CHRDL1: variants seen among roughly 807,000 people sequenced by gnomAD.
The protein encoded by CHRDL1 is chordin like 1, also known as chordin-like protein 1.
CHRDL1 carries 19 observed loss-of-function variants against 40.9 expected under a neutral mutation model. That is an observed-to-expected ratio of 0.46 (90% CI 0.32 to 0.68). CHRDL1 has a LOEUF of 0.68. Ranked by LOEUF, CHRDL1 falls within the 30% of genes least tolerant of loss-of-function variation. The pLI, the probability that CHRDL1 is intolerant of heterozygous loss-of-function variation, is 0.03. For missense variants in CHRDL1, 329 were observed against 352.1 expected, an observed-to-expected ratio of 0.93 and a Z score of 0.53; for synonymous variants, 136 against 123.4, an observed-to-expected ratio of 1.10 and a Z score of -0.68.
chrX:110,711,388 A>G (rs2070744948), intron 6 of CHRDL1, among the ~76,000 whole-genome samples: 1 of 112,005 alleles, frequency 8.9e-6, no homozygotes, highest in South Asian at 3.7e-4. Context: ...TACACACACA[A>G]TGTTGTACTG....
intron 8 of CHRDL1, among the ~76,000 whole-genome samples, chrX:110,690,655 T>A (rs1262614903): frequency 1.8e-5 from 2 of 111,134 alleles, no homozygotes; most frequent in African/African-American, 6.6e-5. Context: ...CTTAATGGTG[T>A]TCGGCACTGT....
chrX:110,782,739 T>C (rs2089965275), intron 2 of CHRDL1, among the ~76,000 whole-genome samples: 2 of 112,336 alleles, frequency 1.8e-5, no homozygotes, highest in African/African-American at 6.5e-5. Context: ...AAGACAAGAT[T>C]ACCCCAGCTA....
intron 4 of CHRDL1, among the ~76,000 whole-genome samples, chrX:110,726,163 C>T (rs1455686920): frequency 9.0e-6 from 1 of 111,251 alleles, no homozygotes; most frequent in Non-Finnish European, 1.9e-5. Flanking sequence ...TGAGCCTGGT[C>T]TCTGGGGTCT....
intron 6 of CHRDL1, among the ~76,000 whole-genome samples, chrX:110,708,753 G>A (rs1004260580): frequency 1.8e-5 from 2 of 111,352 alleles, no homozygotes; most frequent in African/African-American, 6.5e-5. Context: ...CAGAAACTAC[G>A]AGCTGGATGG....
chrX:110,710,386 C>T (rs768231955), intron 6 of CHRDL1, among the ~76,000 whole-genome samples: 1 of 111,716 alleles, frequency 9.0e-6, no homozygotes, highest in Non-Finnish European at 1.9e-5. Flanking sequence ...CTCTGAAATG[C>T]TTCACTGGGA....
chrX:110,701,396 A>G (rs746801243), intron 6 of CHRDL1, among the ~76,000 whole-genome samples: 2 of 112,022 alleles, frequency 1.8e-5, no homozygotes, highest in African/African-American at 6.5e-5. Context: ...AATGAGTACT[A>G]TTTAAATTAT....
At chrX:110,699,852 T>C (rs1036863483) in intron 7 of CHRDL1, among the ~76,000 whole-genome samples, 3 of 112,453 alleles carry the variant, frequency 2.7e-5, no homozygotes, top group African/African-American at 9.7e-5. Context: ...TTTGTTTTGT[T>C]TTTATGAAAA....
At chrX:110,781,923 T>C (rs1257782008) in intron 2 of CHRDL1, among the ~76,000 whole-genome samples, 1 of 112,296 alleles carries the variant, frequency 8.9e-6, no homozygotes, top group East Asian at 2.8e-4. Flanking sequence ...GAGTTCACCA[T>C]TATTCTTGAA....
At chrX:110,760,301 G>T (rs2148507138) in intron 3 of CHRDL1, among the ~76,000 whole-genome samples, 1 of 112,337 alleles carries the variant, frequency 8.9e-6, no homozygotes, top group East Asian at 2.8e-4. Context: ...GAATTTAGCT[G>T]ATTAGGTAGT....
intron 6 of CHRDL1, among the ~76,000 whole-genome samples, chrX:110,713,528 T>C (rs1389731967): frequency 8.9e-6 from 1 of 111,824 alleles, no homozygotes; most frequent in Non-Finnish European, 1.9e-5. Context: ...GTCTTCCCCT[T>C]TACTCCCCTG....
chrX:110,730,170 C>T (rs1166218386), intron 4 of CHRDL1, among the ~76,000 whole-genome samples: 1 of 112,076 alleles, frequency 8.9e-6, no homozygotes, highest in Non-Finnish European at 1.9e-5. Context: ...TTTAGAAATT[C>T]TCAACACCTG....
intron 2 of CHRDL1, among the ~76,000 whole-genome samples, chrX:110,787,127 T>C (rs1390611178): frequency 8.9e-6 from 1 of 112,015 alleles, no homozygotes; most frequent in Non-Finnish European, 1.9e-5. Context: ...ATCTTTGGCT[T>C]GTAAGAGAGT....
intron 4 of CHRDL1, among the ~76,000 whole-genome samples, chrX:110,732,001 C>CA (rs748997133): frequency 0.015 from 1,368 of 92,443 alleles, 14 homozygotes; most frequent in African/African-American, 0.035. Context: ...AAAGCGTTAC[C>CA]AAAAAAAAAA....
intron 6 of CHRDL1, among the ~76,000 whole-genome samples, chrX:110,714,644 T>A (rs197030): frequency 0.095 from 10,606 of 111,215 alleles, 1,252 homozygotes; most frequent in African/African-American, 0.33. Context: ...CAAAGACACG[T>A]CTAGCCAATG....
At chrX:110,679,469 C>T (rs2069849436) in intron 10 of CHRDL1, 44 bp from the exon 11 acceptor site, 1 of 891,275 alleles carries the variant, frequency 1.1e-6, no homozygotes, top group African/African-American at 1.9e-5. Flanking sequence ...GGCACTCAAT[C>T]TGGAACCATC....
In CHRDL1 at chrX:110,679,007, A is replaced by G. The variant is rs143002690; in HGVS notation, c.1246+329T>C. On this transcript the variant is annotated intron_variant, in intron 11 of 11. Coordinates refer to ENST00000372042, the MANE Select transcript of CHRDL1 (RefSeq NM_001143981.2). ...CCAGATGTGAAGTCTCCATAAATAT[A>G]CCAGACCTGGAATCTTATGAGCTTT... Among the ~76,000 whole-genome samples, 732 of 111,410 alleles carry G rather than the reference A, an allele frequency of 6.6e-3. 6 individuals are homozygous for G. Among genetic ancestry groups the G allele is most frequent in the African/African-American group, 0.023 (693 of 30,658 alleles).
chrX:110,687,546 T>C (rs895675307), intron 9 of CHRDL1, among the ~76,000 whole-genome samples: 2 of 112,271 alleles, frequency 1.8e-5, no homozygotes, highest in Non-Finnish European at 3.8e-5. Context: ...ACCTACTTTT[T>C]AAAATGTTTG....
In CHRDL1 at chrX:110,690,005, ATATATATCTATATATCTG is replaced by A. The variant is rs2070233000; in HGVS notation, c.779-1220_779-1203del. 1.4e-4 allele frequency among the ~76,000 whole-genome samples: 4 copies of A among 28,541 alleles called. 2 individuals carry two copies. In the African/African-American group the frequency reaches 1.8e-3, roughly 13 times the overall value. 24.8% of individuals were successfully genotyped at this position (28,541 alleles called of 115,157 possible). On this transcript the variant is annotated intron_variant, in intron 8 of 11. Coordinates refer to ENST00000372042, the MANE Select transcript of CHRDL1 (RefSeq NM_001143981.2). The stretch of plus-strand genomic sequence containing the variant: ...TATATCTATATATATCTATATATCT[ATATATATCTATATATCTG>A]TATATCTATATATATCTATATATAT...
At chrX:110,767,094 T>C (rs974386410) in intron 2 of CHRDL1, among the ~76,000 whole-genome samples, 2 of 112,123 alleles carry the variant, frequency 1.8e-5, no homozygotes, top group African/African-American at 6.5e-5. Flanking sequence ...AAAAATCACA[T>C]GATCATCTCA....
Sources: gnomAD v4.1 joint callset for allele counts (sites outside exome capture counted in the v4.1 genomes callset) on GRCh38, gnomAD v4.1.1 for gene constraint, MANE v1.5 for transcripts, NCBI Gene and HGNC (gene_info 2026-07-23, HGNC 2026-07-21) for gene names.